SMURF1: variants seen among roughly 807,000 people sequenced by gnomAD.
The protein encoded by SMURF1 is SMAD specific E3 ubiquitin protein ligase 1.
SMURF1 carries 44 observed loss-of-function variants against 98.0 expected under a neutral mutation model. The ratio of observed to expected loss-of-function variants is 0.45; its 90% CI spans 0.35 to 0.58. The LOEUF (loss-of-function observed/expected upper bound fraction) is 0.58, where lower values mean the gene tolerates loss of function less well. SMURF1 is among the 20% of genes least tolerant of loss of function. The pLI is 0.00. For missense variants in SMURF1, 687 were observed against 938.4 expected (o/e 0.73, Z 3.50); for synonymous variants, 396 against 374.9 (o/e 1.06, Z -0.65).
rs1353126993 is a variant in SMURF1 at position 99,040,561 on chromosome 7, AG to A, written c.1372-6del. On this transcript the variant is annotated splice_region_variant and splice_polypyrimidine_tract_variant and intron_variant, in intron 12 of 17. Transcript: ENST00000361368. ...GTGGAAATAAGACAAGTGGTCCTGT[AG>A]GGGGCACCAGAGAACACGAATTTGT... 5.6e-6 allele frequency: 8 copies of A among 1,429,730 alleles called. No individual in the cohort carries two copies. The highest frequency in any genetic ancestry group is 5.5e-5 in the Admixed American group (2 of 36,444). The allele number at this position is 1,429,730 out of a possible 1,614,324, so 88.6% of individuals were successfully genotyped here.
At chr7:99,046,756 C>CCAAA (rs1584457110) in intron 10 of SMURF1, among the ~76,000 whole-genome samples, 1 of 146,826 alleles carries the variant, frequency 6.8e-6, no homozygotes. Context: ...AAAAAAAAAC[C>CCAAA]CAAACAAATA....
chr7:99,122,065 A>T (rs1797641487), intron 1 of SMURF1, among the ~76,000 whole-genome samples: 1 of 152,200 alleles, frequency 6.6e-6, no homozygotes, highest in Non-Finnish European at 1.5e-5. Context: ...CAGGTGGCTC[A>T]CGCCTGTAAT....
At chr7:99,035,422 A>G (rs561529976) in intron 16 of SMURF1, 93 bp downstream of exon 16, 11 of 1,402,066 alleles carry the variant, frequency 7.8e-6, no homozygotes, top group Admixed American at 3.8e-5. Flanking sequence ...TCTAGCACAC[A>G]TCTCAGAAAA....
chr7:99,119,003 ATTTTTTTTTTTTTTTTTTTTTTTTT>A (rs67705340), intron 1 of SMURF1, among the ~76,000 whole-genome samples: 2,040 of 43,006 alleles, frequency 0.047, 163 homozygotes, highest in Admixed American at 0.29. Flanking sequence ...TAACATGCCA[ATTTTTTTTTTTTTTTTTTTTTTTTT>A]TTTTTTTTTT....
At chr7:99,113,731 T>C (rs1584193303) in intron 1 of SMURF1, among the ~76,000 whole-genome samples, 1 of 148,602 alleles carries the variant, frequency 6.7e-6, no homozygotes, top group Admixed American at 6.8e-5. Flanking sequence ...CCCAGCTACT[T>C]AGGAGGCTGA....
intron 1 of SMURF1, among the ~76,000 whole-genome samples, chr7:99,135,549 TTGGA>T: frequency 6.6e-6 from 1 of 152,362 alleles, no homozygotes; most frequent in South Asian, 2.1e-4. Context: ...ATAATATATC[TTGGA>T]GAATGTTCCA....
intron 1 of SMURF1, among the ~76,000 whole-genome samples, chr7:99,067,148 C>A (rs979395130): frequency 1.3e-5 from 2 of 151,830 alleles, no homozygotes; most frequent in African/African-American, 2.4e-5. Flanking sequence ...GGCACACACA[C>A]CACCATGCCC....
At position 99,052,301 on chromosome 7, in the gene SMURF1, C is replaced by G. The variant is rs758914042; in HGVS notation, c.625G>C (p.Ala209Pro). 3.7e-6 allele frequency: 6 copies of G among 1,612,862 alleles called. No individual in the cohort carries two copies. The South Asian group carries it at 6.6e-5, about 18-fold the overall frequency. Residue 209 changes from alanine to proline, a missense_variant, in exon 7 of 18, where the codon GCA becomes CCA. Transcript: ENST00000361368. ...ESPSQDQRLQ[A>P]QRLRNPDVRG... ...ACATCAGGGTTTCGAAGCCGCTGTG[C>G]CTGAAGTCTTTGATCTTGACTTGGG...
At chr7:99,032,998 G>A (rs180761511) in intron 17 of SMURF1, 39 bp downstream of exon 17, 3 of 1,592,012 alleles carry the variant, frequency 1.9e-6, no homozygotes, top group African/African-American at 2.7e-5. Flanking sequence ...ATCCTCTGGG[G>A]CTCCCAGGAC....
chr7:99,050,686 G>GC, intron 8 of SMURF1: 1 of 403,066 alleles, frequency 2.5e-6, no homozygotes. Flanking sequence ...TCATTCATTT[G>GC]CAGGTAATAT....
chr7:99,090,274 C>G (rs1417666725), intron 1 of SMURF1, among the ~76,000 whole-genome samples: 1 of 152,180 alleles, frequency 6.6e-6, no homozygotes, highest in Non-Finnish European at 1.5e-5. Context: ...AAACAAAGCT[C>G]TTCAGAAATG....
intron 1 of SMURF1, among the ~76,000 whole-genome samples, chr7:99,064,130 G>A (rs1460611066): frequency 1.3e-5 from 2 of 152,132 alleles, no homozygotes; most frequent in African/African-American, 2.4e-5. Context: ...ACTTGGTCAC[G>A]GTACACAGTC....
At position 99,060,815 on chromosome 7, in the gene SMURF1, A is replaced by G. The variant is rs1354482815; in HGVS notation, c.95-108T>C. On this transcript the variant is annotated intron_variant, in intron 2 of 17. Coordinates refer to ENST00000361368, the MANE Select transcript of SMURF1 (RefSeq NM_181349.3). ...TTTCAGGATAATTTCAATCAGCAAA[A>G]TAAGTTATGTCTATTGAGCTTTCTA... 11 of 685,356 alleles carry G rather than the reference A, an allele frequency of 1.6e-5. No individual in the cohort carries two copies. The East Asian group carries it at 3.2e-4, about 20-fold the overall frequency. 42.5% of individuals were successfully genotyped at this position (685,356 alleles called of 1,614,324 possible). A position where few individuals can be genotyped will look rare whatever the true frequency, so the allele number is the denominator to read the frequency against.
chr7:99,073,478 AAATC>A (rs1439522420), intron 1 of SMURF1, among the ~76,000 whole-genome samples: 2 of 150,014 alleles, frequency 1.3e-5, no homozygotes, highest in Non-Finnish European at 3.0e-5. Context: ...AAAAAAAAAA[AAATC>A]AACCAGACAC....
intron 1 of SMURF1, among the ~76,000 whole-genome samples, chr7:99,099,088 T>C (rs1162259664): frequency 2.0e-5 from 3 of 152,184 alleles, no homozygotes; most frequent in Non-Finnish European, 4.4e-5. Context: ...GGAAATGTGT[T>C]TCTATGGAAG....
At chr7:99,065,327 A>G (rs971987733) in intron 1 of SMURF1, among the ~76,000 whole-genome samples, 4 of 152,168 alleles carry the variant, frequency 2.6e-5, no homozygotes, top group African/African-American at 7.2e-5. Context: ...GGTTCAAGCA[A>G]TCCACCAGCC....
Position 99,143,769 on chromosome 7 carries a change from G to A in SMURF1, c.12C>T (p.Pro4=), listed in dbSNP as rs1798204175. 6 of 1,561,302 alleles carry A rather than the reference G, an allele frequency of 3.8e-6. No homozygotes were observed. The highest frequency in any genetic ancestry group is 2.8e-5 in the African/African-American group (2 of 70,184). The change falls in exon 1 of 18, where the codon CCC becomes CCT. Residue 4 remains proline (P), a synonymous_variant. Transcript: ENST00000361368. MSN[P]GTRRNGSSIK... is the part of the protein sequence containing the mutation. The stretch of plus-strand genomic sequence containing the variant: ...TGCTGGAGCCGTTCCTGCGTGTCCC[G>A]GGGTTCGACATCTCCCGCCAACGAT...
In SMURF1 at chr7:99,063,287, A is replaced by T. The variant is rs1188898200; in HGVS notation, c.56-1450T>A. Among the ~76,000 whole-genome samples the T allele has an allele frequency of 4.2e-4, 10 of 23,608 alleles. 2 individuals are homozygous for T. The East Asian group carries it at 0.013, about 32-fold the overall frequency. 15.5% of individuals were successfully genotyped at this position (23,608 alleles called of 152,430 possible). On this transcript the variant is annotated intron_variant, in intron 1 of 17. Coordinates refer to ENST00000361368, the MANE Select transcript of SMURF1 (RefSeq NM_181349.3). Reference sequence around the variant, plus strand: ...TATATATATATATATATATATATATATATATATATATATATATAAAAAGAG... The same window carrying T: ...TATATATATATATATATATATATATTTATATATATATATATATAAAAAGAG...
chr7:99,043,664 T>G (rs1795466531), intron 11 of SMURF1, among the ~76,000 whole-genome samples: 1 of 152,214 alleles, frequency 6.6e-6, no homozygotes, highest in South Asian at 2.1e-4. Flanking sequence ...ATTCATTCAT[T>G]TGGCACATAT....
Sources: allele counts gnomAD v4.1 joint callset (sites outside exome capture counted in the v4.1 genomes callset), GRCh38; gene constraint gnomAD v4.1.1; transcripts MANE v1.5; gene names NCBI Gene and HGNC (gene_info 2026-07-23, HGNC 2026-07-21).